The following NPAS3 variants were observed in gnomAD, a reference collection of about 807,000 sequenced individuals.
NPAS3 encodes neuronal PAS domain-containing protein 3.
Under a neutral mutation model 73.1 loss-of-function variants are expected in NPAS3, and 14 were observed. That is an observed-to-expected ratio of 0.19 (90% confidence interval 0.13 to 0.30). The LOEUF (loss-of-function observed/expected upper bound fraction) is 0.30, where lower values mean the gene tolerates loss of function less well. Among genes scored for constraint, NPAS3 ranks in the 10% least tolerant of loss-of-function variants. NPAS3 has a pLI of 1.00. For missense variants in NPAS3, 1,096 were observed against 1,250.0 expected (o/e 0.88, Z 1.86); for synonymous variants, 620 against 541.5 (o/e 1.14, Z -2.01).
chr14:33,519,983 G>A (rs2053485226), intron 4 of NPAS3, among the ~76,000 whole-genome samples: 1 of 151,970 alleles, frequency 6.6e-6, no homozygotes, highest in African/African-American at 2.4e-5. Flanking sequence ...TGAGAGGTGA[G>A]GCCCAGCCAG....
chr14:33,055,687 T>C (rs1380763956), intron 1 of NPAS3, among the ~76,000 whole-genome samples: 1 of 151,852 alleles, frequency 6.6e-6, no homozygotes, highest in African/African-American at 2.4e-5. Context: ...AAAACAAAAC[T>C]GTCCTGATAA....
chr14:33,728,605 G>A (rs1221378903), intron 6 of NPAS3, among the ~76,000 whole-genome samples: 6 of 152,148 alleles, frequency 3.9e-5, no homozygotes, highest in Non-Finnish European at 7.3e-5. Flanking sequence ...GCAGAAAATG[G>A]AAGGCACTGC....
At chr14:33,763,264 T>C (rs2062354743) in intron 7 of NPAS3, among the ~76,000 whole-genome samples, 1 of 152,232 alleles carries the variant, frequency 6.6e-6, no homozygotes, top group Non-Finnish European at 1.5e-5. Flanking sequence ...GAGAGGCATA[T>C]TGTTACCAGA....
chr14:32,948,222 T>C (rs1401295381), intron 1 of NPAS3, among the ~76,000 whole-genome samples: 1 of 152,194 alleles, frequency 6.6e-6, no homozygotes, highest in African/African-American at 2.4e-5. Flanking sequence ...GAATGCTGTT[T>C]CTTCTTTATA....
intron 3 of NPAS3, among the ~76,000 whole-genome samples, chr14:33,279,728 A>T (rs1353508329): frequency 3.3e-5 from 5 of 152,128 alleles, no homozygotes. Context: ...CATTGGGGGG[A>T]AGGAACAGTT....
At chr14:32,962,569 C>CTTTTTTTTTTTTTTTTTTTTTTTTTTT (rs71432096) in intron 1 of NPAS3, among the ~76,000 whole-genome samples, 23 of 110,610 alleles carry the variant, frequency 2.1e-4, no homozygotes, top group Non-Finnish European at 3.0e-4. Context: ...TTTTTCTTTT[C>CTTTTTTTTTTTTTTTTTTTTTTTTTTT]TTTTTTTTTT....
rs141108484 is a variant in NPAS3, at chr14:33,778,494, G to A, written c.1075G>A (p.Val359Ile). 25 of 1,613,138 alleles carry A rather than the reference G, an allele frequency of 1.5e-5. No homozygotes were observed. In the African/African-American group the frequency reaches 3.1e-4, roughly 20 times the overall value. Residue 359 changes from valine to isoleucine, a missense_variant, in exon 9 of 12, where the codon GTA (valine) becomes ATA (isoleucine). Val to Ile is a conservative substitution (Grantham distance 29, BLOSUM62 3). Around this residue, in one of 5 missense-constraint regions of NPAS3, gnomAD observed 114 missense variants for 220.3 expected, o/e 0.52. Transcript: ENST00000356141. ...TAGTGATTATATGGATCTGACCCCT[G>A]TAGATATCGTAGGGAAGAGATGCTA...
chr14:33,364,401 C>G, intron 3 of NPAS3, among the ~76,000 whole-genome samples: 1 of 152,160 alleles, frequency 6.6e-6, no homozygotes, highest in Admixed American at 6.5e-5. Flanking sequence ...CATTAATGCT[C>G]AAGTTAAAGC....
At position 33,662,295 on chromosome 14, in the gene NPAS3, A is replaced by C. The variant is rs186337479; in HGVS notation, c.559-13916A>C. 3.3e-5 allele frequency among the ~76,000 whole-genome samples: 5 copies of C among 152,278 alleles called. No individual in the cohort carries two copies. The East Asian group carries it at 9.7e-4, about 29-fold the overall frequency. ...CATTATTGAAATACTCTTCATCTTG[A>C]GCTCTTTCTGCCTGCCCTAGGAAGA... On this transcript the variant is annotated intron_variant, in intron 5 of 11. Coordinates refer to ENST00000356141, the Ensembl canonical transcript of NPAS3.
chr14:32,957,291 CTT>C (rs1396572845), intron 1 of NPAS3, among the ~76,000 whole-genome samples: 3 of 151,206 alleles, frequency 2.0e-5, no homozygotes, highest in Non-Finnish European at 4.4e-5. Context: ...TCTTTATTAA[CTT>C]TTTAAACATT....
intron 6 of NPAS3, among the ~76,000 whole-genome samples, chr14:33,695,874 G>C (rs1354673731): frequency 1.3e-5 from 2 of 152,214 alleles, no homozygotes; most frequent in African/African-American, 2.4e-5. Context: ...CTGCACAGCT[G>C]TAACTGTGGG....
chr14:33,093,524 A>C lies in NPAS3; in HGVS notation c.140+37530A>C, dbSNP rs1293618229. On this transcript the variant is annotated intron_variant, in intron 2 of 11. Coordinates refer to ENST00000356141, the Ensembl canonical transcript of NPAS3. ...GAACACTTTTACATTGTTGGTGGGA[A>C]TGTAAACTAGTTCAACCATTGTGGA... Among the ~76,000 whole-genome samples, 8 of 152,308 alleles carry C rather than the reference A, an allele frequency of 5.3e-5. 1 individual carries two copies. The South Asian group carries it at 1.2e-3, about 24-fold the overall frequency.
chr14:33,556,580 T>C (rs2055366997), intron 4 of NPAS3, among the ~76,000 whole-genome samples: 1 of 152,244 alleles, frequency 6.6e-6, no homozygotes, highest in Admixed American at 6.5e-5. Context: ...TGCCTCACTG[T>C]TGAGAAATTC....
At chr14:33,222,540 G>A (rs2047470984) in intron 3 of NPAS3, among the ~76,000 whole-genome samples, 1 of 151,658 alleles carries the variant, frequency 6.6e-6, no homozygotes, top group Non-Finnish European at 1.5e-5. Context: ...CTTTCTTTAG[G>A]GTATTGTTAC....
chr14:33,037,729 C>G lies in NPAS3; in HGVS notation c.51-18176C>G, dbSNP rs1354238648. Among the ~76,000 whole-genome samples the G allele has an allele frequency of 3.3e-5, 5 of 152,036 alleles. No individual in the cohort carries two copies. The East Asian group carries it at 9.7e-4, about 29-fold the overall frequency. On this transcript the variant is annotated intron_variant, in intron 1 of 11. Coordinates refer to ENST00000356141, the Ensembl canonical transcript of NPAS3. ...CAATAACAAATGTTTTCATGAAAAG[C>G]CAAGGGAAATTGGATTGATGCTTTA...
chr14:33,378,776 C>T (rs752831588), intron 4 of NPAS3, among the ~76,000 whole-genome samples: 9 of 152,218 alleles, frequency 5.9e-5, no homozygotes, highest in African/African-American at 2.2e-4. Flanking sequence ...TCATTATGAT[C>T]AGGCAGAATT....
In NPAS3 at chr14:33,365,449, G is replaced by T. The variant is rs967273829; in HGVS notation, c.386-1737G>T. On this transcript the variant is annotated intron_variant, in intron 3 of 11. Coordinates refer to ENST00000356141, the Ensembl canonical transcript of NPAS3. ...TTAAGTATATCTGAATATTAAAATT[G>T]TAAAAACCCTATGTCTATATTTATA... Among the ~76,000 whole-genome samples the T allele has an allele frequency of 2.6e-5, 4 of 152,038 alleles. No homozygotes were observed. In the East Asian group the frequency reaches 7.7e-4, roughly 29 times the overall value.
At chr14:33,047,988 G>C (rs989947535) in intron 1 of NPAS3, among the ~76,000 whole-genome samples, 10 of 152,166 alleles carry the variant, frequency 6.6e-5, no homozygotes, top group Non-Finnish European at 1.3e-4. Flanking sequence ...TTGCATTGCA[G>C]GTGGATTTCT....
At chr14:33,134,139 C>T (rs2043745748) in intron 2 of NPAS3, among the ~76,000 whole-genome samples, 1 of 152,052 alleles carries the variant, frequency 6.6e-6, no homozygotes, top group East Asian at 1.9e-4. Flanking sequence ...AGTGAATTTA[C>T]ACTTACATAT....
Sources: gnomAD v4.1 joint callset for allele counts (sites outside exome capture counted in the v4.1 genomes callset) on GRCh38, gnomAD v4.1.1 for gene constraint, gnomAD v4.1.1 regional missense constraint, MANE v1.5 for transcripts, NCBI Gene and HGNC (gene_info 2026-07-23, HGNC 2026-07-21) for gene names.